The following STAB1 variants were observed in gnomAD, a reference collection of about 807,000 sequenced individuals.
STAB1 encodes the protein stabilin 1.
A neutral mutation model predicts 332.4 loss-of-function variants in STAB1; 250 were observed. That is an observed-to-expected ratio of 0.75 (90% CI 0.68 to 0.84). The LOEUF (loss-of-function observed/expected upper bound fraction) is 0.84. STAB1 is among the 40% of genes least tolerant of loss of function. The probability of loss-of-function intolerance (pLI) is 0.00; values close to 1 mark genes in which losing one functional copy is unlikely to be tolerated. For missense variants in STAB1, 3,249 were observed against 3,489.7 expected (o/e 0.93, Z 1.74); for synonymous variants, 1,475 against 1,390.4 (o/e 1.06, Z -1.35).
chr3:52,518,508 C>T (rs1366657090), intron 46 of STAB1, 28 bp from the exon 47 acceptor site: 2 of 1,568,904 alleles, frequency 1.3e-6, no homozygotes, highest in Non-Finnish European at 1.7e-6. Context: ...TTCTCCCATT[C>T]CACTCATGCT....
In STAB1 at chr3:52,510,038, G is replaced by A; in HGVS notation, c.2516G>A (p.Ser839Asn). ...TGCCACCTGCATGCCCGCTGTGTTA[G>A]CCAGGAGGGTGTTGCCAGGTGAGGA... The part of the protein sequence containing the change: ...QHCHLHARCV[S>N]QEGVARCRCL... Residue 839 changes from serine (S) to asparagine (N), a missense_variant, in exon 23 of 69, where the codon AGC (serine) becomes AAC (asparagine). Ser to Asn is a conservative substitution (Grantham distance 46). Transcript: ENST00000321725. The A allele has an allele frequency of 6.2e-7, 1 of 1,609,208 alleles. No individual in the cohort carries two copies. Among genetic ancestry groups the A allele is most frequent in the Non-Finnish European group, 8.5e-7 (1 of 1,177,250 alleles).
Position 52,523,913 on chromosome 3 carries a change from G to C in STAB1, c.7438G>C (p.Val2480Leu), listed in dbSNP as rs199804726. The C allele has an allele frequency of 1.2e-6, 2 of 1,608,774 alleles. No homozygotes were observed. The highest frequency in any genetic ancestry group is 1.7e-5 in the Admixed American group (1 of 59,992). ...TGAAGCCCCACCTGTGGCGGCAGGC[G>C]TGGGGGCTGTGCTTGCCGCTGGAGC... ...APEAPPVAAG[V>L]GAVLAAGALL... Residue 2480 changes from valine to leucine, a missense_variant, in exon 67 of 69, where the codon GTG becomes CTG. Coordinates refer to ENST00000321725, the MANE Select transcript of STAB1 (RefSeq NM_015136.3).
At chr3:52,508,069 C>T in intron 20 of STAB1, 43 bp downstream of exon 20, 2 of 1,580,832 alleles carry the variant, frequency 1.3e-6, no homozygotes, top group South Asian at 1.1e-5. Context: ...CACCTGGGCA[C>T]CTGCTGTTCC....
At chr3:52,516,291 G>T (rs113039644) in intron 38 of STAB1, 53 bp downstream of exon 38, 8 of 1,607,604 alleles carry the variant, frequency 5.0e-6, no homozygotes, top group African/African-American at 4.0e-5. Context: ...AGAGCAGCCT[G>T]GAGACCCCAG....
At chr3:52,512,193 G>A (rs1306644214) in intron 26 of STAB1, 148 bp from the exon 27 acceptor site, 3 of 780,056 alleles carry the variant, frequency 3.8e-6, no homozygotes, top group African/African-American at 3.5e-5. Context: ...TAGGCACACC[G>A]AAGGAGTGCC....
chr3:52,503,988 C>G, intron 9 of STAB1, 40 bp from the exon 10 acceptor site: 2 of 1,609,130 alleles, frequency 1.2e-6, no homozygotes, highest in South Asian at 1.1e-5. Flanking sequence ...GTGGGGGGGG[C>G]CTCAGCCTCC....
chr3:52,508,515 T>C (rs1443815674), intron 21 of STAB1, 156 bp downstream of exon 21: 1 of 730,906 alleles, frequency 1.4e-6, no homozygotes, highest in South Asian at 1.5e-5. Context: ...TTATTTCTCA[T>C]ATTTTAATTA....
chr3:52,512,314 G>A (rs1171486738), intron 26 of STAB1, 27 bp from the exon 27 acceptor site: 2 of 1,608,536 alleles, frequency 1.2e-6, no homozygotes, highest in Middle Eastern at 1.7e-4. Flanking sequence ...GGTTCTGAAT[G>A]GAGGCCCTTT....
chr3:52,511,556 C>T lies in STAB1; in HGVS notation c.2788-94C>T, dbSNP rs1185693864. 20 of 1,208,960 alleles carry T rather than the reference C, an allele frequency of 1.7e-5. No individual in the cohort carries two copies. In the Admixed American group the frequency reaches 3.6e-4, roughly 22 times the overall value. 74.9% of individuals were successfully genotyped at this position (1,208,960 alleles called of 1,614,324 possible). A position where few individuals can be genotyped will look rare whatever the true frequency, so the allele number is the denominator to read the frequency against. ...TTCCTCTGGGGTCTGGGCAGACCTC[C>T]CTGGGGGCAGTGACCAGAGAGAGCC... On this transcript the variant is annotated intron_variant, in intron 25 of 68. Coordinates refer to ENST00000321725, the MANE Select transcript of STAB1 (RefSeq NM_015136.3).
intron 22 of STAB1, 73 bp downstream of exon 22, chr3:52,509,394 A>G: frequency 7.4e-7 from 1 of 1,352,788 alleles, no homozygotes; most frequent in Non-Finnish European, 1.0e-6. Flanking sequence ...GGGGGCTCTC[A>G]AGAAGGGAAA....
At position 52,524,081 on chromosome 3, in the gene STAB1, A is replaced by G. The variant is rs2079183375; in HGVS notation, c.7543-19A>G. On this transcript the variant is annotated intron_variant, in intron 67 of 68. Coordinates refer to ENST00000321725, the MANE Select transcript of STAB1 (RefSeq NM_015136.3). ...TCTCGCTTGAGGCGCCTCGCCACTCACCCCTCTGCTGCTCCCAGGCGGAAG... is the reference window on the plus strand; with the variant it reads ...TCTCGCTTGAGGCGCCTCGCCACTCGCCCCTCTGCTGCTCCCAGGCGGAAG... The G allele has an allele frequency of 1.2e-6, 2 of 1,612,922 alleles. No individual in the cohort carries two copies. Among genetic ancestry groups the G allele is most frequent in the Non-Finnish European group, 1.7e-6 (2 of 1,179,934 alleles).
chr3:52,512,118 T>A (rs569552416), intron 26 of STAB1, among the ~76,000 whole-genome samples: 32 of 152,238 alleles, frequency 2.1e-4, no homozygotes, highest in Non-Finnish European at 3.4e-4. Flanking sequence ...AGCCCTGAGC[T>A]CCCTCGCATC....
chr3:52,507,701 A>G, intron 19 of STAB1, 26 bp downstream of exon 19: 1 of 1,613,110 alleles, frequency 6.2e-7, no homozygotes, highest in Non-Finnish European at 8.5e-7. Context: ...CCCAGCTCTC[A>G]GGGCCTCCTG....
At chr3:52,515,619 T>A in intron 37 of STAB1, 113 bp downstream of exon 37, 1 of 1,138,378 alleles carries the variant, frequency 8.8e-7, no homozygotes, top group Non-Finnish European at 1.3e-6. Context: ...GGGCTGGGAC[T>A]AGGGTGAGGC....
intron 30 of STAB1, 45 bp downstream of exon 30, chr3:52,513,286 G>A (rs1347749122): frequency 6.6e-7 from 1 of 1,525,514 alleles, no homozygotes; most frequent in African/African-American, 1.4e-5. Context: ...GGTAGGGCAT[G>A]GGAGGGAGCC....
Position 52,506,193 on chromosome 3 carries a change from C to T in STAB1, c.1773C>T (p.Ser591=), listed in dbSNP as rs1708848188. The change falls in exon 17 of 69, where the codon TCC becomes TCT. Residue 591 remains serine, a synonymous_variant. Coordinates refer to ENST00000321725, the MANE Select transcript of STAB1 (RefSeq NM_015136.3). ...HGQLTVEKLI[S]KGRILTMANQ... ...AGCTGACCGTTGAGAAGCTCATCTCCAAGGGTCGGATCCTCACCATGGCGA... is the reference window on the plus strand; with the variant it reads ...AGCTGACCGTTGAGAAGCTCATCTCTAAGGGTCGGATCCTCACCATGGCGA... 2 of 1,612,608 alleles carry T rather than the reference C, an allele frequency of 1.2e-6. No individual in the cohort carries two copies. Among genetic ancestry groups the T allele is most frequent in the Non-Finnish European group, 1.7e-6 (2 of 1,179,610 alleles).
chr3:52,509,259 A>T lies in STAB1; in HGVS notation c.2285A>T (p.Tyr762Phe). 1 of 1,613,476 alleles carries T rather than the reference A, an allele frequency of 6.2e-7. No individual in the cohort carries two copies. Among genetic ancestry groups the T allele is most frequent in the Non-Finnish European group, 8.5e-7 (1 of 1,179,976 alleles). ...GGGGCCTGCCTCTGCTTCCCAGACT[A>T]CAAGGGCATCGCCTGCCACATCTGC... ...GNGACLCFPD[Y>F]KGIACHICSN... The change falls in exon 22 of 69, where the codon TAC (tyrosine) becomes TTC (phenylalanine). Residue 762 changes from tyrosine (Y) to phenylalanine (F), a missense_variant. Tyr to Phe is a conservative substitution (Grantham distance 22). Transcript: ENST00000321725.
In STAB1 at chr3:52,521,896, A is replaced by G; in HGVS notation, c.6216A>G (p.Ala2072=). Residue 2072 remains alanine (A), a synonymous_variant, in exon 58 of 69, where the codon GCA becomes GCG. Transcript: ENST00000321725. The stretch of plus-strand genomic sequence containing the variant: ...GTGCACCCGAGGCTGTGTGCCGTGC[A>G]GGCAACAGCTGTGAGTGCAGCCTGG... ...PPCAPEAVCR[A]GNSCECSLGY... is the part of the protein sequence containing the mutation. 1 of 1,608,752 alleles carries G rather than the reference A, an allele frequency of 6.2e-7. No individual in the cohort carries two copies. The highest frequency in any genetic ancestry group is 8.5e-7 in the Non-Finnish European group (1 of 1,176,732).
At chr3:52,501,776 G>A (rs754209032) in intron 3 of STAB1, 23 bp downstream of exon 3, 71 of 1,544,682 alleles carry the variant, frequency 4.6e-5, no homozygotes, top group Admixed American at 1.6e-4. Flanking sequence ...GGGGGACCCC[G>A]CCTTGCGCCT....
Sources: gnomAD v4.1 joint callset for allele counts (sites outside exome capture counted in the v4.1 genomes callset) on GRCh38, gnomAD v4.1.1 for gene constraint, MANE v1.5 for transcripts, NCBI Gene and HGNC (gene_info 2026-07-23, HGNC 2026-07-21) for gene names.